Variants in INPP5B observed in about 807,000 individuals in gnomAD.
The protein encoded by INPP5B is type II inositol 1,4,5-trisphosphate 5-phosphatase.
A neutral mutation model predicts 118.5 loss-of-function variants in INPP5B; 90 were observed. The ratio of observed to expected loss-of-function variants is 0.76; its 90% CI spans 0.64 to 0.90. The LOEUF (loss-of-function observed/expected upper bound fraction) is 0.90. Among genes scored for constraint, INPP5B ranks in the 40% least tolerant of loss-of-function variants. The pLI is 0.00. For synonymous variants in INPP5B, 385 were observed against 418.9 expected (o/e 0.92, Z 0.99); for missense variants, 984 against 1,125.6 (o/e 0.87, Z 1.80).
intron 13 of INPP5B, chr1:37,883,806 G>A: frequency 1.0e-6 from 1 of 985,414 alleles, no homozygotes; most frequent in Non-Finnish European, 1.2e-6. Context: ...CGGCAGGCAG[G>A]ACAAGAGGCG....
Position 37,946,346 on chromosome 1 carries a change from G to A in INPP5B, c.-26-12C>T. 1.3e-6 allele frequency: 2 copies of A among 1,595,398 alleles called. No homozygotes were observed. Among genetic ancestry groups the A allele is most frequent in the Non-Finnish European group, 1.7e-6 (2 of 1,169,620 alleles). On this transcript the variant is annotated splice_polypyrimidine_tract_variant and intron_variant, in intron 1 of 23. Coordinates refer to ENST00000373024, the MANE Select transcript of INPP5B (RefSeq NM_005540.3). The stretch of plus-strand genomic sequence containing the variant: ...TGAGCGCACACACCCTGTGGGAGGG[G>A]AGATAGGAGCCCCGCTTTGGTCAAC...
chr1:37,941,937 C>CAAA (rs1212694634), intron 5 of INPP5B: 4 of 12,882 alleles, frequency 3.1e-4, no homozygotes, highest in South Asian at 2.0e-3. Flanking sequence ...GACTCCGTCT[C>CAAA]AAAAAAAAAA....
intron 7 of INPP5B, chr1:37,929,212 T>G (rs1054741960): frequency 6.6e-6 from 1 of 152,030 alleles, no homozygotes; most frequent in African/African-American, 2.4e-5. Context: ...CTCTGCCTCC[T>G]GGGTTCAAGC....
chr1:37,914,709 G>A (rs1227753447), intron 7 of INPP5B, among the ~76,000 whole-genome samples: 1 of 152,028 alleles, frequency 6.6e-6, no homozygotes, highest in Non-Finnish European at 1.5e-5. Flanking sequence ...ATAACTCAGT[G>A]CTTACTTCCA....
Position 37,888,388 on chromosome 1 carries a change from A to G in INPP5B, c.798-44T>C, listed in dbSNP as rs766089654. On this transcript the variant is annotated intron_variant, in intron 9 of 23. Transcript: ENST00000373024. ...AATTAGTGACTCCGAATCACTATGG[A>G]GATAACAGGAGAAAGCATTTTATGC... is the stretch of plus-strand genomic sequence containing the variant. 6 of 1,216,938 alleles carry G rather than the reference A, an allele frequency of 4.9e-6. No individual in the cohort carries two copies. The East Asian group carries it at 1.6e-4, about 33-fold the overall frequency. 75.4% of individuals were successfully genotyped at this position (1,216,938 alleles called of 1,614,324 possible). A position where few individuals can be genotyped will look rare whatever the true frequency, so the allele number is the denominator to read the frequency against.
chr1:37,946,394 G>A, intron 1 of INPP5B, 60 bp from the exon 2 acceptor site: 2 of 1,338,444 alleles, frequency 1.5e-6, no homozygotes, highest in Non-Finnish European at 2.1e-6. Flanking sequence ...GGGTGGTGGA[G>A]CTGCCTCAGA....
intron 6 of INPP5B, among the ~76,000 whole-genome samples, chr1:37,938,941 C>A (rs972179930): frequency 6.6e-6 from 1 of 152,054 alleles, no homozygotes; most frequent in Non-Finnish European, 1.5e-5. Context: ...TGCCTGTAAT[C>A]CCAGCACTTT....
At chr1:37,923,620 T>C (rs966318876) in intron 7 of INPP5B, among the ~76,000 whole-genome samples, 1 of 151,770 alleles carries the variant, frequency 6.6e-6, no homozygotes, top group African/African-American at 2.4e-5. Context: ...AGGGGGATTT[T>C]GAAATGTGGG....
At chr1:37,928,269 G>C (rs918765961) in intron 7 of INPP5B, among the ~76,000 whole-genome samples, 1 of 152,068 alleles carries the variant, frequency 6.6e-6, no homozygotes, top group Admixed American at 6.6e-5. Flanking sequence ...CACCTCCCGG[G>C]TTCAACTGAT....
chr1:37,883,852 C>A, intron 13 of INPP5B: 1 of 985,330 alleles, frequency 1.0e-6, no homozygotes, highest in South Asian at 4.7e-5. Context: ...TATCACGGCC[C>A]CAGTGGCTTC....
chr1:37,877,723 A>G (rs1642929099), intron 16 of INPP5B, among the ~76,000 whole-genome samples: 1 of 152,244 alleles, frequency 6.6e-6, no homozygotes, highest in Non-Finnish European at 1.5e-5. Flanking sequence ...TCATCAATAC[A>G]TACATTATGG....
intron 16 of INPP5B, among the ~76,000 whole-genome samples, chr1:37,876,320 G>A (rs999950613): frequency 6.6e-6 from 1 of 151,334 alleles, no homozygotes; most frequent in Admixed American, 6.6e-5. Flanking sequence ...TGCCCAGGCT[G>A]GTCTTGAACT....
chr1:37,866,786 CAAG>C (rs1011437702), intron 20 of INPP5B, among the ~76,000 whole-genome samples: 7 of 152,064 alleles, frequency 4.6e-5, no homozygotes, highest in African/African-American at 7.2e-5. Context: ...ACACATCACA[CAAG>C]AAGATCCAAC....
At position 37,931,908 on chromosome 1, in the gene INPP5B, C is replaced by T. The variant is rs1645490277; in HGVS notation, c.532+5G>A. 2 of 1,614,032 alleles carry T rather than the reference C, an allele frequency of 1.2e-6. No individual in the cohort carries two copies. The highest frequency in any genetic ancestry group is 3.3e-5 in the Admixed American group (2 of 60,030). On this transcript the variant is annotated splice_donor_5th_base_variant and intron_variant, in intron 7 of 23. Transcript: ENST00000373024. ...CCCACCGTTTCTTCCGGGACGGATA[C>T]CTGCCTCCGCCAATTGTCGCGTACC...
At chr1:37,941,714 G>A (rs1330806241) in intron 5 of INPP5B, among the ~76,000 whole-genome samples, 7 of 148,692 alleles carry the variant, frequency 4.7e-5, no homozygotes, top group East Asian at 4.0e-4. Context: ...CGAGGCGGGC[G>A]GATCACGAGG....
At chr1:37,882,300 G>A (rs72919769) in intron 14 of INPP5B, among the ~76,000 whole-genome samples, 11 of 152,214 alleles carry the variant, frequency 7.2e-5, no homozygotes, top group African/African-American at 2.4e-4. Flanking sequence ...GTGAAACAGC[G>A]AGTGCTCTGA....
intron 5 of INPP5B, among the ~76,000 whole-genome samples, chr1:37,941,676 C>T (rs549506994): frequency 3.4e-5 from 5 of 148,286 alleles, no homozygotes; most frequent in East Asian, 4.0e-4. Context: ...CGGTGGCTCA[C>T]GCCTGTAATC....
chr1:37,931,942 G>T lies in INPP5B; in HGVS notation c.503C>A (p.Thr168Asn). The change falls in exon 7 of 24, where the codon ACC (threonine) becomes AAC (asparagine). Residue 168 changes from threonine to asparagine, a missense_variant. Transcript: ENST00000373024. ...GCCAATTGTCGCGTACCCTGGCCAGGTAACTAGGGCCGAGTTACAACCGCG... is the reference window on the plus strand; with the variant it reads ...GCCAATTGTCGCGTACCCTGGCCAGTTAACTAGGGCCGAGTTACAACCGCG... ...TPRGCNSALVTWPGYATIGGG... is the reference protein window; with the variant it reads ...TPRGCNSALVNWPGYATIGGG... 6.2e-7 allele frequency: 1 copy of T among 1,614,102 alleles called. No homozygotes were observed. The highest frequency in any genetic ancestry group is 1.1e-5 in the South Asian group (1 of 91,078).
chr1:37,885,346 G>A (rs1570091438), intron 13 of INPP5B, among the ~76,000 whole-genome samples: 1 of 152,136 alleles, frequency 6.6e-6, no homozygotes. Context: ...CCTGGGAGGC[G>A]GAGCCTGTAG....
Sources: gnomAD v4.1 joint callset for allele counts (sites outside exome capture counted in the v4.1 genomes callset) on GRCh38, gnomAD v4.1.1 for gene constraint, MANE v1.5 for transcripts, NCBI Gene and HGNC (gene_info 2026-07-23, HGNC 2026-07-21) for gene names.